The following DLEC1 variants were observed in gnomAD, a reference collection of about 807,000 sequenced individuals.
DLEC1 encodes the protein deleted in lung and esophageal cancer protein 1.
DLEC1 carries 146 observed loss-of-function variants against 198.1 expected under a neutral mutation model. That is an observed-to-expected ratio of 0.74 (90% CI 0.64 to 0.85). The LOEUF (loss-of-function observed/expected upper bound fraction) is 0.85. DLEC1 is among the 40% of genes least tolerant of loss of function. The pLI is 0.00. For synonymous variants in DLEC1, 897 were observed against 866.8 expected, an observed-to-expected ratio of 1.03 and a Z score of -0.61; for missense variants, 2,233 against 2,220.0, an observed-to-expected ratio of 1.01 and a Z score of -0.12.
In DLEC1 at chr3:38,062,369, G is replaced by A. The variant is rs1460109932; in HGVS notation, c.873+1G>A. On this transcript the variant is annotated splice_donor_variant, in intron 4 of 36. Transcript: ENST00000308059. LOFTEE classifies it high-confidence loss of function. ...AGAAAGGACCAGAGAACCTCTCAAG[G>A]TCAGTTTGGAAGGCTGTGCAGAGCA... is the stretch of plus-strand genomic sequence containing the variant. The A allele has an allele frequency of 1.2e-6, 2 of 1,614,194 alleles. No individual in the cohort carries two copies. The highest frequency in any genetic ancestry group is 1.1e-5 in the South Asian group (1 of 91,084).
At chr3:38,075,567 AG>A (rs1018447160) in intron 6 of DLEC1, among the ~76,000 whole-genome samples, 3 of 150,414 alleles carry the variant, frequency 2.0e-5, no homozygotes, top group African/African-American at 7.3e-5. Context: ...CACGGAGGGA[AG>A]GGGTTCGGGG....
intron 34 of DLEC1, among the ~76,000 whole-genome samples, chr3:38,121,320 G>A (rs1216714627): frequency 6.6e-6 from 1 of 152,232 alleles, no homozygotes; most frequent in African/African-American, 2.4e-5. Context: ...TGGGCCTTGG[G>A]GGCCACCACA....
chr3:38,106,582 C>T (rs1459843989), intron 19 of DLEC1, among the ~76,000 whole-genome samples: 2 of 152,026 alleles, frequency 1.3e-5, no homozygotes, highest in South Asian at 2.1e-4. Flanking sequence ...ACACTGAAAC[C>T]TCATCTCTAC....
intron 1 of DLEC1, among the ~76,000 whole-genome samples, chr3:38,043,580 G>A (rs1700751822): frequency 6.6e-6 from 1 of 152,178 alleles, no homozygotes; most frequent in Non-Finnish European, 1.5e-5. Context: ...GCGCTTTTAA[G>A]AGTTGATTTC....
intron 2 of DLEC1, among the ~76,000 whole-genome samples, chr3:38,050,877 T>C (rs1470480715): frequency 6.6e-6 from 1 of 152,092 alleles, no homozygotes; most frequent in Non-Finnish European, 1.5e-5. Context: ...TCTTCACTGA[T>C]AGGTTGGTTA....
intron 6 of DLEC1, among the ~76,000 whole-genome samples, chr3:38,080,018 G>T (rs1339228717): frequency 6.6e-6 from 1 of 152,180 alleles, no homozygotes; most frequent in Non-Finnish European, 1.5e-5. Context: ...TGACCTTTTA[G>T]GGTCTAGGGC....
chr3:38,072,898 G>T (rs1006875350), intron 6 of DLEC1, among the ~76,000 whole-genome samples: 5 of 152,100 alleles, frequency 3.3e-5, no homozygotes, highest in African/African-American at 1.2e-4. Context: ...AGTGTGTCTT[G>T]TTGAGAAGAT....
intron 35 of DLEC1, 133 bp from the exon 36 acceptor site, chr3:38,121,938 C>A: frequency 6.6e-7 from 1 of 1,513,512 alleles, no homozygotes; most frequent in Non-Finnish European, 8.9e-7. Context: ...CCCAATCCCA[C>A]ATGATCTCAG....
In DLEC1 at chr3:38,107,657, C is replaced by A. The variant is rs753180828; in HGVS notation, c.2938C>A (p.Leu980Ile). Residue 980 changes from leucine to isoleucine, a missense_variant, in exon 20 of 37, where the codon CTC (leucine) becomes ATC (isoleucine). Leu to Ile is a conservative substitution (Grantham distance 5, BLOSUM62 2). Transcript: ENST00000308059. ...LQSSQVEVRN[L>I]YLGVPTKTTI... ...GAGCAGCCAGGTGGAGGTTAGAAAT[C>A]TCTACCTGGGTGTGCCCACGAAGAC... 3 of 1,614,008 alleles carry A rather than the reference C, an allele frequency of 1.9e-6. No individual in the cohort carries two copies. In the African/African-American group the frequency reaches 4.0e-5, roughly 22 times the overall value.
At chr3:38,078,687 A>G (rs1007276811) in intron 6 of DLEC1, among the ~76,000 whole-genome samples, 4 of 152,220 alleles carry the variant, frequency 2.6e-5, no homozygotes, top group African/African-American at 9.6e-5. Context: ...AATGGGTGTC[A>G]GGGTCAGTCT....
chr3:38,094,925 C>T lies in DLEC1; in HGVS notation c.1966C>T (p.Gln656Ter), dbSNP rs1189880165. 6.2e-7 allele frequency: 1 copy of T among 1,614,220 alleles called. No individual in the cohort carries two copies. The highest frequency in any genetic ancestry group is 1.1e-5 in the South Asian group (1 of 91,090). The change falls in exon 13 of 37, where the codon CAG (glutamine) becomes TAG (stop). Residue 656 changes from glutamine (Q) to a stop codon, truncating the protein, a stop_gained. Transcript: ENST00000308059. LOFTEE classifies it high-confidence loss of function. ...FYWQIMKPNL[Q>*]PLMPGETFSM... Reference sequence around the variant, plus strand: ...CTGGCAGATCATGAAGCCCAACCTGCAGCCCCTCATGCCTGGAGAAACCTT... The same window carrying T: ...CTGGCAGATCATGAAGCCCAACCTGTAGCCCCTCATGCCTGGAGAAACCTT...
intron 6 of DLEC1, among the ~76,000 whole-genome samples, chr3:38,066,120 G>A (rs1575411432): frequency 6.6e-6 from 1 of 152,118 alleles, no homozygotes; most frequent in Admixed American, 6.5e-5. Flanking sequence ...AGGAAGCATG[G>A]GATCTGGGTT....
chr3:38,108,311 C>T, intron 20 of DLEC1, 94 bp from the exon 21 acceptor site: 1 of 1,070,906 alleles, frequency 9.3e-7, no homozygotes. Flanking sequence ...TGCCAGTCTC[C>T]AGCATTGCAT....
At chr3:38,094,789 TC>T in intron 12 of DLEC1, 89 bp from the exon 13 acceptor site, 4 of 1,464,572 alleles carry the variant, frequency 2.7e-6, no homozygotes, top group Non-Finnish European at 3.7e-6. Flanking sequence ...CCTTTCCTGC[TC>T]CCTCTTGGAG....
intron 6 of DLEC1, among the ~76,000 whole-genome samples, chr3:38,076,392 A>G (rs1325547794): frequency 1.3e-5 from 2 of 152,162 alleles, no homozygotes; most frequent in Non-Finnish European, 2.9e-5. Flanking sequence ...AAAGAGAGTC[A>G]GTGAAGGGAG....
chr3:38,055,809 G>A (rs924868164), intron 2 of DLEC1, among the ~76,000 whole-genome samples: 1 of 152,138 alleles, frequency 6.6e-6, no homozygotes, highest in Non-Finnish European at 1.5e-5. Context: ...ACACCACACA[G>A]CAAATAAGCT....
At chr3:38,079,307 AAGTT>A (rs1322734582) in intron 6 of DLEC1, among the ~76,000 whole-genome samples, 1 of 152,220 alleles carries the variant, frequency 6.6e-6, no homozygotes, top group African/African-American at 2.4e-5. Context: ...AGTATTGTCT[AAGTT>A]AGCACCAGAG....
At chr3:38,119,893 T>C (rs1291473730) in intron 33 of DLEC1, among the ~76,000 whole-genome samples, 2 of 152,114 alleles carry the variant, frequency 1.3e-5, no homozygotes, top group Non-Finnish European at 2.9e-5. Context: ...CCTCCAGACA[T>C]GTGAAGGTCT....
intron 3 of DLEC1, among the ~76,000 whole-genome samples, chr3:38,060,204 A>G (rs1213115692): frequency 6.6e-6 from 1 of 152,224 alleles, no homozygotes; most frequent in African/African-American, 2.4e-5. Flanking sequence ...GAGTTGGAGC[A>G]GGGACTTATG....
Sources: gnomAD v4.1 joint callset for allele counts (sites outside exome capture counted in the v4.1 genomes callset) on GRCh38, gnomAD v4.1.1 for gene constraint, MANE v1.5 for transcripts, NCBI Gene and HGNC (gene_info 2026-07-23, HGNC 2026-07-21) for gene names.